Variants in FBXO17 observed in about 807,000 individuals in gnomAD.
The protein encoded by FBXO17 is F-box protein 17.
A neutral mutation model predicts 34.1 loss-of-function variants in FBXO17; 43 were observed. The ratio of observed to expected loss-of-function variants is 1.26; its 90% CI spans 0.99 to 1.62. The LOEUF (loss-of-function observed/expected upper bound fraction) is 1.62, where lower values mean the gene tolerates loss of function less well. FBXO17 is among the 40% of genes most tolerant of loss of function. The pLI is 0.00. For missense variants in FBXO17, 424 were observed against 386.7 expected, an observed-to-expected ratio of 1.10 and a Z score of -0.81; for synonymous variants, 169 against 166.0, an observed-to-expected ratio of 1.02 and a Z score of -0.14.
At chr19:38,959,857 C>T (rs142084464) in intron 1 of FBXO17, among the ~76,000 whole-genome samples, 96 of 152,196 alleles carry the variant, frequency 6.3e-4, no homozygotes, top group African/African-American at 2.3e-3. Context: ...GATTGCACTA[C>T]TGCATTCCAG....
At chr19:38,957,535 A>G (rs1052433483) in intron 1 of FBXO17, among the ~76,000 whole-genome samples, 18 of 152,088 alleles carry the variant, frequency 1.2e-4, no homozygotes, top group Non-Finnish European at 2.2e-4. Flanking sequence ...TAGTAGAGAC[A>G]GGGTTTCACC....
intron 1 of FBXO17, among the ~76,000 whole-genome samples, chr19:38,967,976 A>G (rs1485640373): frequency 3.3e-5 from 5 of 151,868 alleles, no homozygotes; most frequent in Non-Finnish European, 7.4e-5. Context: ...AGAAACTGGA[A>G]CCCTCAGGCA....
Position 38,950,212 on chromosome 19 carries a change from G to A in FBXO17, c.108C>T (p.Arg36=). 1 of 1,548,574 alleles carries A rather than the reference G, an allele frequency of 6.5e-7. No individual in the cohort carries two copies. The change falls in exon 2 of 6, where the codon CGC becomes CGT. Residue 36 remains arginine (R), a synonymous_variant. Transcript: ENST00000292852. ...LVQVLSHVPP[R]SLVTRCRPVC... The stretch of plus-strand genomic sequence containing the variant: ...CTGGGCGGCATCGCGTGACCAAGGA[G>A]CGTGGCGGCACGTGGCTCAGCACCT...
rs766502996 is a variant in FBXO17 at position 38,944,943 on chromosome 19, G to A, written c.693+26C>T. 187 of 1,613,196 alleles carry A rather than the reference G, an allele frequency of 1.2e-4. 1 individual carries two copies. Among genetic ancestry groups the A allele is most frequent in the Middle Eastern group, 8.3e-4 (5 of 6,054 alleles). On this transcript the variant is annotated intron_variant, in intron 5 of 5. Transcript: ENST00000292852. ...CGTGTGTGCCTTTAGCGGGTCGGGG[G>A]GAGCTGGAAGCTAGTCTGGACCCAC... is the stretch of plus-strand genomic sequence containing the variant.
At position 38,942,647 on chromosome 19, in the gene FBXO17, C is replaced by G. The variant is rs147175848; in HGVS notation, c.798G>C (p.Val266=). 197 of 1,597,544 alleles carry G rather than the reference C, an allele frequency of 1.2e-4. No individual in the cohort carries two copies. The African/African-American group carries it at 2.2e-3, about 18-fold the overall frequency. The change falls in exon 6 of 6, where the codon GTG becomes GTC. Residue 266 remains valine (V), a synonymous_variant. Coordinates refer to ENST00000292852, the MANE Select transcript of FBXO17 (RefSeq NM_024907.7). ...SSWVGHYGAL[V]THSSVRVRIR... ...TCCTGACCCTCACACTGGAGTGGGT[C>G]ACAAGGGCGCCATAGTGCCCCACCC...
intron 1 of FBXO17, among the ~76,000 whole-genome samples, chr19:38,969,956 C>T (rs1475937008): frequency 6.6e-6 from 1 of 151,996 alleles, no homozygotes; most frequent in African/African-American, 2.4e-5. Flanking sequence ...GACCCAGCAA[C>T]TCCACCCCAG....
chr19:38,951,956 G>C (rs1373691322), intron 1 of FBXO17, among the ~76,000 whole-genome samples: 1 of 151,482 alleles, frequency 6.6e-6, no homozygotes, highest in Non-Finnish European at 1.5e-5. Flanking sequence ...GCCCGAGTTT[G>C]GCTTTCTTTT....
rs1975265406 is a variant in FBXO17, at chr19:38,962,442, C to CA, written c.-17-12107dup. 2.0e-5 allele frequency among the ~76,000 whole-genome samples: 3 copies of CA among 152,158 alleles called. No individual in the cohort carries two copies. In the South Asian group the frequency reaches 6.2e-4, roughly 31 times the overall value. ...CTTTAGTGTCAGGAAGTTTCTCTGG[C>CA]ACATGGCTCCTGAAATATGGCAGTC... On this transcript the variant is annotated intron_variant, in intron 1 of 5. Transcript: ENST00000292852.
intron 1 of FBXO17, among the ~76,000 whole-genome samples, chr19:38,951,653 A>ATTTTTTTTTTTTTTTTTTTT: frequency 7.7e-6 from 1 of 129,306 alleles, no homozygotes; most frequent in Non-Finnish European, 1.6e-5. Flanking sequence ...TTGGCTTTCT[A>ATTTTTTTTTTTTTTTTTTTT]TTTTTTTTTT....
chr19:38,942,732 TTGG>T lies in FBXO17; in HGVS notation c.710_712del (p.Thr237del). On this transcript the variant is annotated inframe_deletion, in exon 6 of 6. Transcript: ENST00000292852. Reference sequence around the variant, plus strand: ...TACGTAGCGGATGCCCTTGCCAAAGTTGGTGAAGACGTGGGAGACCTGCAGGGG... The same window carrying T: ...TACGTAGCGGATGCCCTTGCCAAAGTTGAAGACGTGGGAGACCTGCAGGGG... 1.2e-6 allele frequency: 2 copies of T among 1,606,264 alleles called. No homozygotes were observed. The highest frequency in any genetic ancestry group is 1.1e-5 in the South Asian group (1 of 89,770).
At chr19:38,961,344 C>T (rs1975247875) in intron 1 of FBXO17, among the ~76,000 whole-genome samples, 2 of 146,902 alleles carry the variant, frequency 1.4e-5, no homozygotes, top group Non-Finnish European at 3.0e-5. Flanking sequence ...AGCATGATCT[C>T]AGCTCACTGC....
chr19:38,954,858 G>T, intron 1 of FBXO17, among the ~76,000 whole-genome samples: 1 of 150,714 alleles, frequency 6.6e-6, no homozygotes, highest in East Asian at 1.9e-4. Flanking sequence ...GGGATTAACA[G>T]GCGTGAGCCA....
chr19:38,966,819 C>T (rs552538709), intron 1 of FBXO17, among the ~76,000 whole-genome samples: 1 of 152,104 alleles, frequency 6.6e-6, no homozygotes. Flanking sequence ...GAAAAAGACT[C>T]TTTTCAACAA....
At chr19:38,943,058 G>A (rs968316416) in intron 5 of FBXO17, among the ~76,000 whole-genome samples, 10 of 152,098 alleles carry the variant, frequency 6.6e-5, no homozygotes, top group Admixed American at 1.3e-4. Context: ...AGAGGGAGCC[G>A]GGAGGGGCTC....
intron 1 of FBXO17, among the ~76,000 whole-genome samples, chr19:38,965,042 CCA>C (rs1032560244): frequency 6.6e-6 from 1 of 152,054 alleles, no homozygotes; most frequent in African/African-American, 2.4e-5. Context: ...AAACAAAAAA[CCA>C]CAGTCACCCA....
At chr19:38,957,533 A>G (rs892726040) in intron 1 of FBXO17, among the ~76,000 whole-genome samples, 5 of 152,048 alleles carry the variant, frequency 3.3e-5, no homozygotes, top group South Asian at 4.1e-4. Flanking sequence ...TTTAGTAGAG[A>G]CAGGGTTTCA....
intron 1 of FBXO17, among the ~76,000 whole-genome samples, chr19:38,962,976 T>TA (rs1486809227): frequency 6.6e-6 from 1 of 152,184 alleles, no homozygotes; most frequent in Non-Finnish European, 1.5e-5. Context: ...CCCAAAGTGC[T>TA]GGGATTACAG....
intron 2 of FBXO17, 116 bp downstream of exon 2, chr19:38,949,854 CT>C: frequency 7.9e-7 from 1 of 1,268,588 alleles, no homozygotes; most frequent in Non-Finnish European, 1.0e-6. Context: ...GCCCCGCCCC[CT>C]GGCTCCTCCA....
At chr19:38,960,950 G>A (rs1389284807) in intron 1 of FBXO17, among the ~76,000 whole-genome samples, 2 of 151,850 alleles carry the variant, frequency 1.3e-5, no homozygotes, top group Non-Finnish European at 2.9e-5. Flanking sequence ...GGGATCACAG[G>A]TGCGCACCAC....
Sources: gnomAD v4.1 joint callset for allele counts (sites outside exome capture counted in the v4.1 genomes callset) on GRCh38, gnomAD v4.1.1 for gene constraint, MANE v1.5 for transcripts, NCBI Gene and HGNC (gene_info 2026-07-23, HGNC 2026-07-21) for gene names.